Variants in ADSL observed in about 807,000 individuals in gnomAD.
The protein encoded by ADSL is adenylosuccinate lyase.
In ADSL, 44 loss-of-function variants were observed where a neutral mutation model predicts 62.1. That is an observed-to-expected ratio of 0.71 (90% CI 0.56 to 0.91). ADSL has a LOEUF of 0.91. Ranked by LOEUF, ADSL falls within the 40% of genes least tolerant of loss-of-function variation. The probability of loss-of-function intolerance (pLI) is 0.00; values close to 1 mark genes in which losing one functional copy is unlikely to be tolerated. For missense variants in ADSL, 531 were observed against 627.4 expected (o/e 0.85, Z 1.64); for synonymous variants, 198 against 220.5 (o/e 0.90, Z 0.90).
At chr22:40,347,799 C>G (rs1197696286) in intron 1 of ADSL, among the ~76,000 whole-genome samples, 3 of 152,206 alleles carry the variant, frequency 2.0e-5, no homozygotes, top group Non-Finnish European at 2.9e-5. Context: ...ATGACTGTAC[C>G]TGTTTTACAG....
rs761759515 is a variant in ADSL, at chr22:40,346,589, G to T, written c.31G>T (p.Asp11Tyr). Residue 11 changes from aspartate (D) to tyrosine (Y), a missense_variant, in exon 1 of 13, where the codon GAC (aspartate) becomes TAC (tyrosine). Physicochemically the swap from Asp to Tyr is radical, Grantham distance 160. This residue lies in a region of ADSL where 60 missense variants were observed against 34.5 expected (regional missense o/e 1.74). Transcript: ENST00000623063. ...GGCTGGAGGCGATCATGGTTCGCCC[G>T]ACAGCTACCGCTCACCTCTTGCCTC... MAAGGDHGSP[D>Y]SYRSPLASRY... The T allele has an allele frequency of 6.2e-7, 1 of 1,606,262 alleles. No homozygotes were observed. Among genetic ancestry groups the T allele is most frequent in the Non-Finnish European group, 8.5e-7 (1 of 1,177,118 alleles).
chr22:40,353,162 GT>G, intron 3 of ADSL, 45 bp downstream of exon 3: 2 of 1,500,510 alleles, frequency 1.3e-6, no homozygotes, highest in Non-Finnish European at 1.9e-6. Flanking sequence ...GATTCCCTAT[GT>G]TAGGAGATAG....
intron 2 of ADSL, 43 bp from the exon 3 acceptor site, chr22:40,353,030 A>G (rs1230229359): frequency 1.3e-6 from 2 of 1,565,550 alleles, no homozygotes; most frequent in South Asian, 1.1e-5. Flanking sequence ...ATATTGTTTG[A>G]GCAAAGCTGC....
chr22:40,365,181 G>A, intron 12 of ADSL, 125 bp downstream of exon 12: 1 of 1,052,366 alleles, frequency 9.5e-7, no homozygotes, highest in South Asian at 1.4e-5. Flanking sequence ...GCAGGTTGCT[G>A]GCTAAAACTT....
At chr22:40,366,346 G>A in intron 12 of ADSL, 90 bp from the exon 13 acceptor site, 1 of 921,058 alleles carries the variant, frequency 1.1e-6, no homozygotes, top group East Asian at 2.6e-5. Flanking sequence ...ATCAAATTAG[G>A]TTTCAGTGGT....
At chr22:40,364,405 A>C (rs748315171) in intron 11 of ADSL, 40 bp downstream of exon 11, 2 of 1,560,452 alleles carry the variant, frequency 1.3e-6, no homozygotes, top group Non-Finnish European at 1.8e-6. Flanking sequence ...TTGAGAGTGC[A>C]CGTTTGGTCC....
chr22:40,364,735 C>T, intron 11 of ADSL, 145 bp from the exon 12 acceptor site: 1 of 835,540 alleles, frequency 1.2e-6, no homozygotes, highest in Non-Finnish European at 2.0e-6. Context: ...GACCCTGGTA[C>T]AGATAGACAC....
At chr22:40,376,163 A>G (rs966482828) in intron 2 of ADSL, 1 of 137,444 alleles carries the variant, frequency 7.3e-6, no homozygotes, top group African/African-American at 2.7e-5. Flanking sequence ...GGATAGGGTT[A>G]AAGTCAAATT....
intron 6 of ADSL, among the ~76,000 whole-genome samples, 172 bp downstream of exon 6, chr22:40,359,478 T>C (rs2044693192): frequency 3.5e-5 from 1 of 28,818 alleles, no homozygotes; most frequent in South Asian, 1.2e-3. Context: ...TCTGGATTCT[T>C]TTTTTTTTTT....
At chr22:40,356,096 G>T (rs934865689) in intron 4 of ADSL, among the ~76,000 whole-genome samples, 5 of 152,054 alleles carry the variant, frequency 3.3e-5, no homozygotes, top group African/African-American at 1.2e-4. Flanking sequence ...CAGCTACTTG[G>T]GAGGCTGAGG....
Position 40,354,219 on chromosome 22 carries a change from CTCTTTCTATCACATGA to C in ADSL, c.403-21_403-6del, listed in dbSNP as rs1569091371. 4.4e-6 allele frequency: 7 copies of C among 1,601,074 alleles called. No individual in the cohort carries two copies. Among genetic ancestry groups the C allele is most frequent in the Middle Eastern group, 1.7e-4 (1 of 6,028 alleles). Reference sequence around the variant, plus strand: ...GTAATGAACACAACCTGAATTCAACCTCTTTCTATCACATGATCTTTCTTGTAGCTTGCCAGAGTGA... The same window carrying C: ...GTAATGAACACAACCTGAATTCAACCTCTTTCTTGTAGCTTGCCAGAGTGA... On this transcript the variant is annotated splice_polypyrimidine_tract_variant and intron_variant, in intron 3 of 12. Coordinates refer to ENST00000623063, the MANE Select transcript of ADSL (RefSeq NM_000026.4).
intron 11 of ADSL, 122 bp downstream of exon 11, chr22:40,364,487 G>A (rs1392725004): frequency 4.6e-6 from 4 of 871,554 alleles, no homozygotes; most frequent in Non-Finnish European, 7.4e-6. Flanking sequence ...TAATGGTACA[G>A]AGCAGTGGCC....
At position 40,361,568 on chromosome 22, in the gene ADSL, G is replaced by A. The variant is rs2044791447; in HGVS notation, c.943G>A (p.Val315Ile). 6.2e-7 allele frequency: 1 copy of A among 1,614,072 alleles called. No individual in the cohort carries two copies. The highest frequency in any genetic ancestry group is 1.7e-5 in the Admixed American group (1 of 60,008). The change falls in exon 9 of 13, where the codon GTC becomes ATC. Residue 315 changes from valine (V) to isoleucine (I), a missense_variant. This residue lies in a region of ADSL where 471 missense variants were observed against 592.9 expected (regional missense o/e 0.79). Transcript: ENST00000623063. ...CSLARHLMTL[V>I]MDPLQTASVQ... ...TCTTGCCCGCCACCTGATGACCCTTGTCATGGACCCGCTACAGACAGCATC... is the reference window on the plus strand; with the variant it reads ...TCTTGCCCGCCACCTGATGACCCTTATCATGGACCCGCTACAGACAGCATC...
rs1264029749 is a variant in ADSL at position 40,367,702 on chromosome 22, A to G, written c.*1180A>G. ...GTTATTTAGCCCATTCTCATCCTAC[A>G]TATTTTTCGGCATAGATGAAAATGA... On this transcript the variant is annotated 3_prime_UTR_variant, in exon 13 of 13. Coordinates refer to ENST00000623063, the MANE Select transcript of ADSL (RefSeq NM_000026.4). The G allele has an allele frequency of 1.8e-5, 3 of 165,822 alleles. No homozygotes were observed. The highest frequency in any genetic ancestry group is 1.9e-4 in the East Asian group (1 of 5,206). 10.3% of individuals were successfully genotyped at this position (165,822 alleles called of 1,614,324 possible). A position where few individuals can be genotyped will look rare whatever the true frequency, so the allele number is the denominator to read the frequency against.
intron 4 of ADSL, among the ~76,000 whole-genome samples, chr22:40,354,988 C>G (rs1006228627): frequency 5.3e-4 from 80 of 152,198 alleles, no homozygotes; most frequent in African/African-American, 1.9e-3. Flanking sequence ...CTTACAAGAT[C>G]TAATGTGCAA....
chr22:40,352,298 T>G (rs2044376559), intron 2 of ADSL, among the ~76,000 whole-genome samples: 1 of 151,728 alleles, frequency 6.6e-6, no homozygotes, highest in Non-Finnish European at 1.5e-5. Context: ...GAGGCCGAGG[T>G]GGGCGGATCA....
At chr22:40,352,445 G>A (rs565199549) in intron 2 of ADSL, among the ~76,000 whole-genome samples, 9 of 152,056 alleles carry the variant, frequency 5.9e-5, no homozygotes, top group Non-Finnish European at 7.4e-5. Context: ...GGAGAATGGC[G>A]TGAACCCGGG....
intron 2 of ADSL, among the ~76,000 whole-genome samples, chr22:40,383,118 C>G (rs545791120): frequency 1.3e-5 from 2 of 152,150 alleles, no homozygotes; most frequent in African/African-American, 4.8e-5. Context: ...GGATTCAGCC[C>G]TTGAAGAGCT....
In ADSL at chr22:40,364,260, G is replaced by C. The variant is rs200428249; in HGVS notation, c.1102-16G>C. On this transcript the variant is annotated splice_polypyrimidine_tract_variant and intron_variant, in intron 10 of 12. Transcript: ENST00000623063. ...GAGGCACCTTTCTTGGTCATTCACC[G>C]TATCTTTTCCTATAGGTAATTGAAC... 1 of 1,611,442 alleles carries C rather than the reference G, an allele frequency of 6.2e-7. No homozygotes were observed. The highest frequency in any genetic ancestry group is 1.7e-5 in the Admixed American group (1 of 59,936).
Sources: allele counts gnomAD v4.1 joint callset (sites outside exome capture counted in the v4.1 genomes callset), GRCh38; gene constraint gnomAD v4.1.1; regional missense constraint gnomAD v4.1.1; transcripts MANE v1.5; gene names NCBI Gene and HGNC (gene_info 2026-07-23, HGNC 2026-07-21).